The following MACROD2 variants were observed in gnomAD, a reference collection of about 807,000 sequenced individuals.
The protein encoded by MACROD2 is ADP-ribose glycohydrolase MACROD2.
Under a neutral mutation model 70.4 loss-of-function variants are expected in MACROD2, and 36 were observed. The ratio of observed to expected loss-of-function variants is 0.51; its 90% confidence interval spans 0.39 to 0.68. The LOEUF is 0.68. MACROD2 is among the 30% of genes least tolerant of loss of function. The probability of loss-of-function intolerance (pLI) is 0.00; values close to 1 mark genes in which losing one functional copy is unlikely to be tolerated. For missense variants in MACROD2, 496 were observed against 538.4 expected (o/e 0.92, Z 0.78); for synonymous variants, 172 against 178.8 (o/e 0.96, Z 0.30).
chr20:14,869,640 G>T (rs780742331), intron 5 of MACROD2, among the ~76,000 whole-genome samples: 2 of 152,094 alleles, frequency 1.3e-5, no homozygotes, highest in African/African-American at 2.4e-5. Flanking sequence ...CATTTAAGGG[G>T]ATCTGACTGC....
chr20:15,851,373 C>A (rs2064296440), intron 8 of MACROD2, among the ~76,000 whole-genome samples: 1 of 151,964 alleles, frequency 6.6e-6, no homozygotes, highest in East Asian at 1.9e-4. Flanking sequence ...TTTCTCATAG[C>A]TCTGGAGGCT....
chr20:14,956,836 C>T (rs956258103), intron 5 of MACROD2, among the ~76,000 whole-genome samples: 4 of 152,204 alleles, frequency 2.6e-5, no homozygotes, highest in Middle Eastern at 3.4e-3. Flanking sequence ...AGTTGCCACA[C>T]GCTTCTGATG....
intron 5 of MACROD2, among the ~76,000 whole-genome samples, chr20:15,065,866 A>C (rs1217822243): frequency 2.0e-5 from 3 of 152,102 alleles, no homozygotes; most frequent in Non-Finnish European, 4.4e-5. Context: ...ATATTAATCA[A>C]CTGTTGTTGC....
intron 8 of MACROD2, among the ~76,000 whole-genome samples, chr20:15,734,689 C>A: frequency 6.6e-6 from 1 of 152,112 alleles, no homozygotes; most frequent in East Asian, 1.9e-4. Flanking sequence ...TTTCTTGTCC[C>A]TTTTATATAA....
rs575297155 is a variant in MACROD2 at position 14,591,569 on chromosome 20, A to G, written c.302-93274A>G. Among the ~76,000 whole-genome samples, 25 of 152,346 alleles carry G rather than the reference A, an allele frequency of 1.6e-4. No homozygotes were observed. The East Asian group carries it at 4.8e-3, about 29-fold the overall frequency. On this transcript the variant is annotated intron_variant, in intron 4 of 17. Coordinates refer to ENST00000684519, the MANE Select transcript of MACROD2 (RefSeq NM_001351661.2). ...AGCAATATTCAAACACCAAAAGCCA[A>G]TGATGAACTGGACATTACTACCCCA... is the stretch of plus-strand genomic sequence containing the variant.
chr20:15,458,502 GC>G (rs1231956869), intron 7 of MACROD2, among the ~76,000 whole-genome samples: 1 of 151,962 alleles, frequency 6.6e-6, no homozygotes, highest in Non-Finnish European at 1.5e-5. Flanking sequence ...GTATTTAACA[GC>G]CAGTTAAATA....
At chr20:15,173,214 A>T (rs1344834315) in intron 5 of MACROD2, among the ~76,000 whole-genome samples, 1 of 152,208 alleles carries the variant, frequency 6.6e-6, no homozygotes, top group Non-Finnish European at 1.5e-5. Flanking sequence ...ATATATAATT[A>T]ATTTTGCACA....
At chr20:14,299,229 G>C (rs2082454040) in intron 3 of MACROD2, among the ~76,000 whole-genome samples, 1 of 152,116 alleles carries the variant, frequency 6.6e-6, no homozygotes, top group Non-Finnish European at 1.5e-5. Context: ...ATTGATGCAA[G>C]ACCCTCCACC....
At chr20:14,350,370 C>T (rs1163807447) in intron 3 of MACROD2, among the ~76,000 whole-genome samples, 1 of 151,988 alleles carries the variant, frequency 6.6e-6, no homozygotes, top group Non-Finnish European at 1.5e-5. Flanking sequence ...TTCCCTTTTT[C>T]TCCACACCCT....
intron 15 of MACROD2, among the ~76,000 whole-genome samples, chr20:16,019,259 T>G (rs1481795561): frequency 6.6e-6 from 1 of 152,154 alleles, no homozygotes; most frequent in African/African-American, 2.4e-5. Context: ...ACCATACATA[T>G]GTACACATTT....
intron 2 of MACROD2, among the ~76,000 whole-genome samples, chr20:14,055,617 T>C (rs1469880028): frequency 2.0e-5 from 3 of 151,996 alleles, no homozygotes; most frequent in African/African-American, 7.2e-5. Context: ...GAGTTCTTAC[T>C]GGGAATGAAT....
chr20:15,958,875 C>A (rs1385767839), intron 12 of MACROD2, among the ~76,000 whole-genome samples: 4 of 152,142 alleles, frequency 2.6e-5, no homozygotes, highest in African/African-American at 4.8e-5. Context: ...CAGAAGGCGG[C>A]CATCTGCAAG....
intron 3 of MACROD2, among the ~76,000 whole-genome samples, chr20:14,327,984 T>TA (rs936269350): frequency 2.0e-5 from 3 of 152,068 alleles, no homozygotes; most frequent in Non-Finnish European, 2.9e-5. Context: ...ATTTTACTGT[T>TA]ATCAAAAAAC....
intron 8 of MACROD2, among the ~76,000 whole-genome samples, chr20:15,668,888 C>T (rs2049938866): frequency 1.3e-5 from 2 of 152,140 alleles, no homozygotes; most frequent in African/African-American, 4.8e-5. Flanking sequence ...CATAGATTAA[C>T]TAGTAGGCTC....
intron 15 of MACROD2, among the ~76,000 whole-genome samples, chr20:16,003,281 C>T (rs555895761): frequency 2.0e-4 from 31 of 152,176 alleles, no homozygotes; most frequent in Non-Finnish European, 3.2e-4. Context: ...GAGTATATTT[C>T]TTATACAATA....
chr20:14,680,347 T>G (rs2070917014), intron 4 of MACROD2, among the ~76,000 whole-genome samples: 1 of 152,190 alleles, frequency 6.6e-6, no homozygotes, highest in Admixed American at 6.5e-5. Flanking sequence ...TTTGGAATTT[T>G]AGTTCTCCCC....
At chr20:14,132,219 T>A (rs1379011187) in intron 3 of MACROD2, among the ~76,000 whole-genome samples, 5 of 148,968 alleles carry the variant, frequency 3.4e-5, no homozygotes, top group Non-Finnish European at 7.5e-5. Flanking sequence ...CTAATTAAAA[T>A]TTTTTTTTTG....
Position 15,448,843 on chromosome 20 carries a change from T to A in MACROD2, c.571+17408T>A, listed in dbSNP as rs2046603761. Among the ~76,000 whole-genome samples the A allele has an allele frequency of 2.0e-5, 3 of 152,140 alleles. No individual in the cohort carries two copies. In the South Asian group the frequency reaches 6.2e-4, roughly 32 times the overall value. ...AGGACATACAACCAAATAAGTGTTT[T>A]GTCTTACTATAAAGATCCAGGATTT... is the stretch of plus-strand genomic sequence containing the variant. On this transcript the variant is annotated intron_variant, in intron 7 of 17. Transcript: ENST00000684519.
intron 4 of MACROD2, among the ~76,000 whole-genome samples, chr20:14,666,526 T>G (rs2070738452): frequency 6.6e-6 from 1 of 152,080 alleles, no homozygotes; most frequent in South Asian, 2.1e-4. Flanking sequence ...TTTAACATCT[T>G]GTGTTTCCAG....
Sources: allele counts gnomAD v4.1 joint callset (sites outside exome capture counted in the v4.1 genomes callset), GRCh38; gene constraint gnomAD v4.1.1; transcripts MANE v1.5; gene names NCBI Gene and HGNC (gene_info 2026-07-23, HGNC 2026-07-21).